Variants in CACNA2D4 observed in about 807,000 individuals in gnomAD.
The protein encoded by CACNA2D4 is calcium voltage-gated channel auxiliary subunit alpha2delta 4.
CACNA2D4 carries 157 observed loss-of-function variants against 163.8 expected under a neutral mutation model. That is an observed-to-expected ratio of 0.96 (90% CI 0.84 to 1.09). The LOEUF (loss-of-function observed/expected upper bound fraction) is 1.09, where lower values mean the gene tolerates loss of function less well. Among genes scored for constraint, CACNA2D4 ranks in the 50% least tolerant of loss-of-function variants. The pLI is 0.00. For missense variants in CACNA2D4, 1,410 were observed against 1,479.9 expected (o/e 0.95, Z 0.78); for synonymous variants, 598 against 586.9 (o/e 1.02, Z -0.27).
In CACNA2D4 at chr12:1,834,417, C is replaced by G. The variant is rs1224278416; in HGVS notation, c.2551+6322G>C. On this transcript the variant is annotated intron_variant, in intron 26 of 37. Coordinates refer to ENST00000382722, the MANE Select transcript of CACNA2D4 (RefSeq NM_172364.5). This position sits in a 1 kb window ranked among gnomAD's most constrained non-coding sequence, Gnocchi z 7.6. ...CTGGATATTCCTGGGCCACCCTGCA[C>G]CAAGGCCAGTCCAGAGCCTGCTAAG... 6.2e-7 allele frequency: 1 copy of G among 1,613,012 alleles called. No homozygotes were observed. Among genetic ancestry groups the G allele is most frequent in the Admixed American group, 1.7e-5 (1 of 60,022 alleles).
chr12:1,837,658 C>T (rs1395794476), intron 26 of CACNA2D4, among the ~76,000 whole-genome samples: 2 of 152,180 alleles, frequency 1.3e-5, no homozygotes, highest in Non-Finnish European at 1.5e-5. Flanking sequence ...AGTGAACCAT[C>T]AGGGTCCCCC....
intron 34 of CACNA2D4, 44 bp from the exon 35 acceptor site, chr12:1,797,579 G>T: frequency 6.9e-7 from 1 of 1,450,748 alleles, no homozygotes. Context: ...GGGGCCTCTG[G>T]CCTGCGGTGA....
At chr12:1,916,278 T>C (rs2154453458) in intron 1 of CACNA2D4, among the ~76,000 whole-genome samples, 1 of 152,312 alleles carries the variant, frequency 6.6e-6, no homozygotes, top group African/African-American at 2.4e-5. Context: ...GTTCCCGTTG[T>C]AGAGCTACCA....
In CACNA2D4 at chr12:1,875,418, G is replaced by T; in HGVS notation, c.1720-81C>A. The T allele has an allele frequency of 1.1e-6, 1 of 898,500 alleles. No individual in the cohort carries two copies. The highest frequency in any genetic ancestry group is 1.9e-6 in the Non-Finnish European group (1 of 535,690). 55.7% of individuals were successfully genotyped at this position (898,500 alleles called of 1,614,324 possible). On this transcript the variant is annotated intron_variant, in intron 16 of 37. Transcript: ENST00000382722. The surrounding 1 kb of genome is among the most constrained non-coding windows in gnomAD (Gnocchi z 4.0). ...TTTATCTCTTCTACAAAGCCTTTCA[G>T]GTATATTCATAAAAGCAAAGGATTC...
At chr12:1,879,745 T>C (rs1865953405) in intron 14 of CACNA2D4, 59 bp downstream of exon 14, 4 of 1,337,678 alleles carry the variant, frequency 3.0e-6, no homozygotes, top group Non-Finnish European at 3.2e-6. Flanking sequence ...GGTCTAAAGA[T>C]GGCACTGAAG....
intron 23 of CACNA2D4, 114 bp from the exon 24 acceptor site, chr12:1,846,803 G>T (rs764215900): frequency 1.1e-4 from 94 of 832,722 alleles, no homozygotes; most frequent in Non-Finnish European, 1.7e-4. Context: ...GCTCAGGGAA[G>T]ACTTTCCAGG....
chr12:1,915,041 A>C (rs1866931520), intron 1 of CACNA2D4, 106 bp from the exon 2 acceptor site: 7 of 824,740 alleles, frequency 8.5e-6, no homozygotes, highest in Non-Finnish European at 1.5e-5. Context: ...CAGTGTCTAC[A>C]CACAGACACC....
At chr12:1,800,831 C>A in intron 31 of CACNA2D4, 1 of 601,470 alleles carries the variant, frequency 1.7e-6, no homozygotes, top group Non-Finnish European at 3.0e-6. Context: ...ACTACCAGAG[C>A]AGTCCCTCTG....
rs767550628 is a variant in CACNA2D4 at position 1,885,967 on chromosome 12, C to T, written c.1066G>A (p.Glu356Lys). The change falls in exon 9 of 38, where the codon GAG becomes AAG. Residue 356 changes from glutamate to lysine, a missense_variant and splice_region_variant. Physicochemically the swap from Glu to Lys is moderately conservative, Grantham distance 56 (BLOSUM62 1). Transcript: ENST00000382722. ...CTCAGGCCACCGTGGACACTCACCTCTCGATTGTCTCGGTCCGCCTGGACG... is the reference window on the plus strand; with the variant it reads ...CTCAGGCCACCGTGGACACTCACCTTTCGATTGTCTCGGTCCGCCTGGACG... ...ILVQADRDNR[E>K]HFKLLVEELM... 3 of 1,611,642 alleles carry T rather than the reference C, an allele frequency of 1.9e-6. No homozygotes were observed. Among genetic ancestry groups the T allele is most frequent in the Non-Finnish European group, 2.5e-6 (3 of 1,178,258 alleles).
intron 18 of CACNA2D4, among the ~76,000 whole-genome samples, chr12:1,871,463 C>T (rs1013295323): frequency 5.4e-5 from 7 of 130,618 alleles, no homozygotes; most frequent in South Asian, 2.5e-4. Flanking sequence ...TGTGTGTGTA[C>T]ACGTGTGTGC....
chr12:1,884,775 T>A lies in CACNA2D4; in HGVS notation c.1265A>T (p.Asp422Val), dbSNP rs1592733332. ...CACCCGTGGGAGGGTCACCTTACAG[T>A]CTGGCCAGTTATACTTCTCAAACAC... ...EPVFEKYNWPDCKVRVFTYLI... is the reference protein window; with the variant it reads ...EPVFEKYNWPVCKVRVFTYLI... The change falls in exon 11 of 38, where the codon GAC becomes GTC. Residue 422 changes from aspartate to valine, a missense_variant. By Grantham distance (152) the Asp-to-Val change is radical. Transcript: ENST00000382722. 6.2e-7 allele frequency: 1 copy of A among 1,611,646 alleles called. No individual in the cohort carries two copies.
chr12:1,858,637 C>A lies in CACNA2D4; in HGVS notation c.1948G>T (p.Val650Leu), dbSNP rs931940076. 3 of 1,601,234 alleles carry A rather than the reference C, an allele frequency of 1.9e-6. No homozygotes were observed. The Admixed American group carries it at 5.1e-5, about 27-fold the overall frequency. ...TCTCCGTGGCCCCGGGACAGCACCA[C>A]CCCCAAACTGTGGGGAGAGAAGAGA... ...DISDTPFSLGVVLSRGHGEYI... is the reference protein window; with the variant it reads ...DISDTPFSLGLVLSRGHGEYI... Residue 650 changes from valine (V) to leucine (L), a missense_variant, in exon 20 of 38, where the codon GTG becomes TTG. Coordinates refer to ENST00000382722, the MANE Select transcript of CACNA2D4 (RefSeq NM_172364.5).
intron 3 of CACNA2D4, among the ~76,000 whole-genome samples, chr12:1,912,019 TATA>T (rs1258364065): frequency 6.6e-6 from 1 of 152,160 alleles, no homozygotes; most frequent in Non-Finnish European, 1.5e-5. Context: ...TGCTGCACAT[TATA>T]ACAAGTGGGA....
chr12:1,843,329 C>T lies in CACNA2D4; in HGVS notation c.2470+1073G>A, dbSNP rs554273630. 3.3e-5 allele frequency among the ~76,000 whole-genome samples: 5 copies of T among 152,254 alleles called. No individual in the cohort carries two copies. The highest frequency in any genetic ancestry group is 2.0e-4 in the Admixed American group (3 of 15,306). On this transcript the variant is annotated intron_variant, in intron 25 of 37. Transcript: ENST00000382722. This position sits in a 1 kb window ranked among gnomAD's most constrained non-coding sequence, Gnocchi z 4.6. The stretch of plus-strand genomic sequence containing the variant: ...TCAGCTCCAGGACATTTTTCCATCA[C>T]GACGCTTGAGGATGGTTTGGCAAAG...
chr12:1,810,191 G>C (rs1320468794), intron 29 of CACNA2D4, 87 bp downstream of exon 29: 1 of 1,132,220 alleles, frequency 8.8e-7, no homozygotes, highest in African/African-American at 1.5e-5. Context: ...CTGGGGCCGT[G>C]GGGCTCTCTT....
chr12:1,885,991 C>A lies in CACNA2D4; in HGVS notation c.1042G>T (p.Val348Phe). The A allele has an allele frequency of 6.2e-7, 1 of 1,613,502 alleles. No homozygotes were observed. The highest frequency in any genetic ancestry group is 8.5e-7 in the Non-Finnish European group (1 of 1,179,648). The change falls in exon 9 of 38, where the codon GTC becomes TTC. Residue 348 changes from valine to phenylalanine, a missense_variant. Coordinates refer to ENST00000382722, the MANE Select transcript of CACNA2D4 (RefSeq NM_172364.5). ...TCTCGATTGTCTCGGTCCGCCTGGA[C>A]GAGGATCCCTTTAAAACAAGGCTCG... The part of the protein sequence containing the change: ...YIEPCFKGIL[V>F]QADRDNREHF...
At chr12:1,813,813 T>C (rs1452059632) in intron 26 of CACNA2D4, among the ~76,000 whole-genome samples, 2 of 152,160 alleles carry the variant, frequency 1.3e-5, no homozygotes, top group Non-Finnish European at 2.9e-5. Flanking sequence ...GAGACCCATT[T>C]GCTGGCTCAT....
At chr12:1,901,952 T>A (rs1339878077) in intron 6 of CACNA2D4, among the ~76,000 whole-genome samples, 1 of 152,036 alleles carries the variant, frequency 6.6e-6, no homozygotes, top group Non-Finnish European at 1.5e-5. Flanking sequence ...AGAGCACTGA[T>A]GCAAAAATCC....
At chr12:1,796,534 G>C (rs1029472969) in intron 35 of CACNA2D4, among the ~76,000 whole-genome samples, 3 of 152,232 alleles carry the variant, frequency 2.0e-5, no homozygotes, top group Non-Finnish European at 2.9e-5. Flanking sequence ...CTTCACTCCG[G>C]AGCCCGCTGG....
Sources: allele counts gnomAD v4.1 joint callset (sites outside exome capture counted in the v4.1 genomes callset), GRCh38; gene constraint gnomAD v4.1.1; non-coding constraint Gnocchi (gnomAD v3.1); transcripts MANE v1.5; gene names NCBI Gene and HGNC (gene_info 2026-07-23, HGNC 2026-07-21).